SPACA7: variants seen among roughly 807,000 people sequenced by gnomAD.
SPACA7 encodes sperm acrosome associated 7.
In SPACA7, 19 loss-of-function variants were observed where a neutral mutation model predicts 26.3. That is an observed-to-expected ratio of 0.72 (90% CI 0.50 to 1.06). The LOEUF is 1.06. Ranked by LOEUF, SPACA7 falls within the 50% of genes least tolerant of loss-of-function variation. The probability of loss-of-function intolerance (pLI) is 0.00; values close to 1 mark genes in which losing one functional copy is unlikely to be tolerated. For synonymous variants in SPACA7, 84 were observed against 84.5 expected (o/e 0.99, Z 0.04); for missense variants, 211 against 229.9 (o/e 0.92, Z 0.53).
intron 5 of SPACA7, among the ~76,000 whole-genome samples, chr13:112,410,616 C>T (rs1035398678): frequency 7.2e-5 from 11 of 152,054 alleles, no homozygotes; most frequent in African/African-American, 2.7e-4. Context: ...ATATGACGCA[C>T]CTGAGTAGTC....
At chr13:112,412,363 C>T (rs1203226429) in intron 5 of SPACA7, among the ~76,000 whole-genome samples, 2 of 151,338 alleles carry the variant, frequency 1.3e-5, no homozygotes, top group East Asian at 3.9e-4. Flanking sequence ...TAATTGATTT[C>T]TTGTCAGATG....
At chr13:112,409,500 A>G (rs1308458815) in intron 5 of SPACA7, among the ~76,000 whole-genome samples, 1 of 151,442 alleles carries the variant, frequency 6.6e-6, no homozygotes, top group East Asian at 2.0e-4. Context: ...ATCTACAAAG[A>G]ACTCAAACAA....
intron 4 of SPACA7, among the ~76,000 whole-genome samples, chr13:112,399,561 A>G (rs1885506136): frequency 6.6e-6 from 1 of 152,264 alleles, no homozygotes; most frequent in Admixed American, 6.5e-5. Flanking sequence ...GGGGTCCCCC[A>G]GAAGTAGGGA....
At chr13:112,430,870 T>C (rs963141875) in intron 5 of SPACA7, among the ~76,000 whole-genome samples, 1 of 152,248 alleles carries the variant, frequency 6.6e-6, no homozygotes, top group African/African-American at 2.4e-5. Context: ...AAATGATGAA[T>C]TACATATGTT....
At chr13:112,433,792 G>A (rs139659470) in intron 6 of SPACA7, among the ~76,000 whole-genome samples, 4 of 152,234 alleles carry the variant, frequency 2.6e-5, no homozygotes, top group African/African-American at 9.6e-5. Flanking sequence ...CAGGGACCAG[G>A]CCAACACACG....
intron 5 of SPACA7, among the ~76,000 whole-genome samples, chr13:112,402,696 A>T (rs1266351592): frequency 1.3e-5 from 2 of 152,204 alleles, no homozygotes; most frequent in Non-Finnish European, 2.9e-5. Context: ...ATGTAAGGAA[A>T]GCATCCATCA....
intron 2 of SPACA7, among the ~76,000 whole-genome samples, chr13:112,395,529 G>A (rs190087288): frequency 2.7e-4 from 41 of 152,234 alleles, no homozygotes; most frequent in Admixed American, 1.8e-3. Context: ...GAAGTGCAGT[G>A]GCGAGATCTC....
chr13:112,432,038 C>T (rs574423992), intron 5 of SPACA7, among the ~76,000 whole-genome samples: 108 of 152,290 alleles, frequency 7.1e-4, no homozygotes, highest in African/African-American at 2.5e-3. Context: ...AACCTGTGTC[C>T]GGGTCCAAGG....
intron 5 of SPACA7, among the ~76,000 whole-genome samples, chr13:112,410,031 C>A (rs1816230271): frequency 6.6e-6 from 1 of 152,130 alleles, no homozygotes; most frequent in Admixed American, 6.6e-5. Flanking sequence ...GAATACTATG[C>A]AGCCATAAAA....
At chr13:112,398,596 C>T (rs1885436360) in intron 3 of SPACA7, among the ~76,000 whole-genome samples, 1 of 152,188 alleles carries the variant, frequency 6.6e-6, no homozygotes, top group Admixed American at 6.5e-5. Flanking sequence ...GCCCAAGCCA[C>T]ACAGTGAGTC....
intron 1 of SPACA7, among the ~76,000 whole-genome samples, chr13:112,380,301 A>G (rs893721682): frequency 6.7e-6 from 1 of 148,162 alleles, no homozygotes; most frequent in Admixed American, 6.8e-5. Flanking sequence ...GCTACTTGGG[A>G]GGCTGAGGCA....
chr13:112,386,950 AAG>A (rs1227976346), intron 1 of SPACA7, among the ~76,000 whole-genome samples: 17 of 152,350 alleles, frequency 1.1e-4, no homozygotes, highest in African/African-American at 3.6e-4. Flanking sequence ...AGGAAAATTC[AAG>A]AGAGGAAATC....
intron 1 of SPACA7, among the ~76,000 whole-genome samples, chr13:112,383,177 GAAAGAAAGAAAGAAAGAAAA>G (rs1884301148): frequency 1.8e-5 from 2 of 114,028 alleles, no homozygotes; most frequent in African/African-American, 3.6e-5. Flanking sequence ...AAGAAAGAAA[GAAAGAAAGAAAGAAAGAAAA>G]GAAAGAAAGA....
intron 5 of SPACA7, among the ~76,000 whole-genome samples, chr13:112,424,334 T>C (rs4907702): frequency 0.65 from 99,535 of 152,034 alleles, 33,097 homozygotes; most frequent in African/African-American, 0.77. Flanking sequence ...CACACTGAAG[T>C]GGAGCTTCTG....
intron 1 of SPACA7, among the ~76,000 whole-genome samples, chr13:112,388,381 A>C (rs1434020740): frequency 6.6e-6 from 1 of 152,216 alleles, no homozygotes; most frequent in Non-Finnish European, 1.5e-5. Context: ...CCATGGGGCT[A>C]CAGACAGACA....
chr13:112,376,525 G>T lies in SPACA7; in HGVS notation c.94+46G>T, dbSNP rs61960772. ...CTCAGCAGAAAGAGAACTGAACCAGGTGGGGAGCGGCGGCCTCTTCTCCCA... is the reference window on the plus strand; with the variant it reads ...CTCAGCAGAAAGAGAACTGAACCAGTTGGGGAGCGGCGGCCTCTTCTCCCA... On this transcript the variant is annotated intron_variant, in intron 1 of 6. Transcript: ENST00000283550. 6,326 of 1,582,494 alleles carry T rather than the reference G, an allele frequency of 4.0e-3. 231 individuals are homozygous for T. The African/African-American group carries it at 0.075, about 19-fold the overall frequency.
intron 5 of SPACA7, among the ~76,000 whole-genome samples, chr13:112,427,486 G>C (rs1876644113): frequency 7.2e-5 from 11 of 152,112 alleles, no homozygotes; most frequent in Admixed American, 7.2e-4. Context: ...TATCCCTGGG[G>C]GACATTGGTC....
chr13:112,433,299 T>G (rs1397387299), intron 6 of SPACA7, among the ~76,000 whole-genome samples: 2 of 148,164 alleles, frequency 1.3e-5, no homozygotes, highest in African/African-American at 2.5e-5. Context: ...ATGGCTGGCT[T>G]TTCATAGCCC....
chr13:112,391,059 AG>A (rs953900228), intron 1 of SPACA7, among the ~76,000 whole-genome samples: 53 of 151,936 alleles, frequency 3.5e-4, no homozygotes, highest in Non-Finnish European at 1.3e-4. Flanking sequence ...ACAAAGGAAT[AG>A]GTCTTTCGTT....
Sources: allele counts gnomAD v4.1 joint callset (sites outside exome capture counted in the v4.1 genomes callset), GRCh38; gene constraint gnomAD v4.1.1; transcripts MANE v1.5; gene names NCBI Gene and HGNC (gene_info 2026-07-23, HGNC 2026-07-21).